Variants in MYO1B observed in about 807,000 individuals in gnomAD.
MYO1B encodes myosin IB, also known as unconventional myosin-Ib.
A neutral mutation model predicts 159.7 loss-of-function variants in MYO1B; 72 were observed. The observed-to-expected ratio is 0.45, with a 90% CI of 0.37 to 0.55. The LOEUF is 0.55. Among genes scored for constraint, MYO1B ranks in the 20% least tolerant of loss-of-function variants. The pLI is 0.00. For missense variants in MYO1B, 1,062 were observed against 1,364.8 expected, an observed-to-expected ratio of 0.78 and a Z score of 3.50; for synonymous variants, 468 against 473.8, an observed-to-expected ratio of 0.99 and a Z score of 0.16.
intron 3 of MYO1B, among the ~76,000 whole-genome samples, chr2:191,302,040 T>A (rs929776498): frequency 1.3e-5 from 2 of 152,202 alleles, no homozygotes; most frequent in Non-Finnish European, 2.9e-5. Flanking sequence ...GAATCTCCTC[T>A]TGAGCCAGAG....
At chr2:191,421,605 A>T (rs1291019055) in intron 30 of MYO1B, among the ~76,000 whole-genome samples, 2 of 151,882 alleles carry the variant, frequency 1.3e-5, no homozygotes, top group Non-Finnish European at 2.9e-5. Context: ...CTTCCCGAGT[A>T]GCTGGAATTA....
chr2:191,249,683 G>C (rs1685996616), intron 1 of MYO1B, among the ~76,000 whole-genome samples: 1 of 152,156 alleles, frequency 6.6e-6, no homozygotes, highest in Non-Finnish European at 1.5e-5. Flanking sequence ...GTCAATATTA[G>C]GTTTTTGTTG....
intron 3 of MYO1B, among the ~76,000 whole-genome samples, chr2:191,315,509 G>A (rs981662642): frequency 1.7e-4 from 26 of 152,176 alleles, no homozygotes; most frequent in African/African-American, 4.6e-4. Flanking sequence ...TTAATACCAT[G>A]ACATCTTCTA....
intron 5 of MYO1B, among the ~76,000 whole-genome samples, chr2:191,341,982 G>GA (rs1440261020): frequency 6.6e-6 from 1 of 151,928 alleles, no homozygotes; most frequent in African/African-American, 2.4e-5. Context: ...CAGAGTCATA[G>GA]AAAGCCTAAA....
At chr2:191,337,523 T>C (rs780347193) in intron 4 of MYO1B, among the ~76,000 whole-genome samples, 7 of 152,318 alleles carry the variant, frequency 4.6e-5, no homozygotes, top group Non-Finnish European at 1.0e-4. Flanking sequence ...TAGTGAGGAA[T>C]ATGTGTTAAC....
intron 7 of MYO1B, among the ~76,000 whole-genome samples, chr2:191,355,189 G>A (rs1330673362): frequency 6.6e-6 from 1 of 152,222 alleles, no homozygotes; most frequent in Non-Finnish European, 1.5e-5. Flanking sequence ...AGACATATGA[G>A]TGAGGACATC....
intron 3 of MYO1B, among the ~76,000 whole-genome samples, chr2:191,303,435 G>T (rs542414183): frequency 2.6e-5 from 4 of 152,258 alleles, no homozygotes; most frequent in Admixed American, 2.0e-4. Context: ...CAAATAAGTT[G>T]CAGAAAAGGG....
intron 11 of MYO1B, among the ~76,000 whole-genome samples, chr2:191,366,971 T>C (rs138021239): frequency 2.2e-4 from 34 of 152,144 alleles, no homozygotes; most frequent in African/African-American, 8.2e-4. Flanking sequence ...CCCATGTCTG[T>C]GCATCTCTGA....
intron 1 of MYO1B, among the ~76,000 whole-genome samples, chr2:191,265,205 T>C (rs1286868517): frequency 7.1e-6 from 1 of 140,910 alleles, no homozygotes; most frequent in Non-Finnish European, 1.6e-5. Flanking sequence ...TTTTTTTTTT[T>C]TAAAGAAGGC....
intron 3 of MYO1B, among the ~76,000 whole-genome samples, chr2:191,313,504 C>T (rs1301496094): frequency 2.0e-5 from 3 of 152,166 alleles, no homozygotes; most frequent in South Asian, 2.1e-4. Flanking sequence ...CCTGCCTCAG[C>T]CTCCTGAGTA....
At chr2:191,385,165 T>C (rs1385661687) in intron 15 of MYO1B, among the ~76,000 whole-genome samples, 1 of 152,224 alleles carries the variant, frequency 6.6e-6, no homozygotes, top group African/African-American at 2.4e-5. Flanking sequence ...GCTTCCTGAC[T>C]TCTGATTCAG....
intron 27 of MYO1B, among the ~76,000 whole-genome samples, chr2:191,413,734 A>T (rs188515294): frequency 8.5e-5 from 13 of 152,308 alleles, no homozygotes; most frequent in African/African-American, 2.4e-4. Flanking sequence ...TTTCCTTCAC[A>T]TGAGGCCATG....
At chr2:191,378,263 T>C (rs1024221153) in intron 13 of MYO1B, among the ~76,000 whole-genome samples, 3 of 152,042 alleles carry the variant, frequency 2.0e-5, no homozygotes, top group African/African-American at 7.3e-5. Context: ...GGACCTTGGA[T>C]ACATGTCATG....
chr2:191,345,479 CTG>C (rs1161615151), intron 5 of MYO1B, among the ~76,000 whole-genome samples: 5 of 152,332 alleles, frequency 3.3e-5, no homozygotes, highest in Non-Finnish European at 7.4e-5. Context: ...AACAAGAGCA[CTG>C]TGTGTCTGGA....
At chr2:191,388,105 A>AAAACCCTGTCTCC (rs1695506197) in intron 17 of MYO1B, 1 of 152,260 alleles carries the variant, frequency 6.6e-6, no homozygotes, top group South Asian at 2.1e-4. Context: ...CCAACATGGC[A>AAAACCCTGTCTCC]AAACCCTGTC....
In MYO1B at chr2:191,410,307, T is replaced by A. The variant is rs140927406; in HGVS notation, c.2767-759T>A. 2.8e-3 allele frequency among the ~76,000 whole-genome samples: 421 copies of A among 152,132 alleles called. 1 individual carries two copies. Among genetic ancestry groups the A allele is most frequent in the Non-Finnish European group, 4.6e-3 (316 of 67,988 alleles). On this transcript the variant is annotated intron_variant, in intron 26 of 30. Coordinates refer to ENST00000392318, the MANE Select transcript of MYO1B (RefSeq NM_001130158.3). ...GAAGGGAGCCTTTCCATGGAAAGGG[T>A]CAGCAGCAATGCTCACACTTCTTCA...
At chr2:191,349,870 A>T (rs542769804) in intron 6 of MYO1B, among the ~76,000 whole-genome samples, 6 of 152,238 alleles carry the variant, frequency 3.9e-5, no homozygotes, top group African/African-American at 1.4e-4. Context: ...AATTGAGTAC[A>T]TATCCTCCAG....
At chr2:191,318,371 C>T in intron 3 of MYO1B, among the ~76,000 whole-genome samples, 1 of 152,178 alleles carries the variant, frequency 6.6e-6, no homozygotes, top group East Asian at 1.9e-4. Context: ...TTTGACCTCT[C>T]TGGGTAACCA....
At chr2:191,354,023 C>T (rs1257402369) in intron 7 of MYO1B, among the ~76,000 whole-genome samples, 3 of 152,062 alleles carry the variant, frequency 2.0e-5, no homozygotes, top group South Asian at 4.1e-4. Context: ...TTTGGGAGGC[C>T]GAGGCAGGCG....
Sources: allele counts gnomAD v4.1 joint callset (sites outside exome capture counted in the v4.1 genomes callset), GRCh38; gene constraint gnomAD v4.1.1; transcripts MANE v1.5; gene names NCBI Gene and HGNC (gene_info 2026-07-23, HGNC 2026-07-21).